ALPK2: variants seen among roughly 807,000 people sequenced by gnomAD.
The protein encoded by ALPK2 is alpha-protein kinase 2.
In ALPK2, 127 loss-of-function variants were observed where a neutral mutation model predicts 163.1. The observed-to-expected ratio is 0.78, with a 90% confidence interval of 0.67 to 0.90. The LOEUF is 0.90. ALPK2 is among the 40% of genes least tolerant of loss of function. The pLI, the probability that ALPK2 is intolerant of heterozygous loss-of-function variation, is 0.00. For missense variants in ALPK2, 2,360 were observed against 2,589.6 expected, an observed-to-expected ratio of 0.91 and a Z score of 1.92; for synonymous variants, 953 against 959.1, an observed-to-expected ratio of 0.99 and a Z score of 0.12.
At chr18:58,613,807 A>G (rs1200158353) in intron 1 of ALPK2, among the ~76,000 whole-genome samples, 1 of 151,884 alleles carries the variant, frequency 6.6e-6, no homozygotes, top group African/African-American at 2.4e-5. Flanking sequence ...ATCTTGGCCC[A>G]TGAGGCCCAC....
chr18:58,628,448 A>AT, intron 1 of ALPK2, among the ~76,000 whole-genome samples: 1 of 152,212 alleles, frequency 6.6e-6, no homozygotes, highest in African/African-American at 2.4e-5. Context: ...CATTCTGTAT[A>AT]TTTTTTCTAA....
At chr18:58,565,245 C>A (rs1238448819) in intron 4 of ALPK2, among the ~76,000 whole-genome samples, 1 of 152,216 alleles carries the variant, frequency 6.6e-6, no homozygotes, top group African/African-American at 2.4e-5. Context: ...GGCCTTCATG[C>A]AAGCTTCTCT....
chr18:58,553,850 G>GTTT (rs71173061), intron 4 of ALPK2, among the ~76,000 whole-genome samples: 14 of 73,992 alleles, frequency 1.9e-4, no homozygotes, highest in Admixed American at 2.2e-4. Context: ...TTTTTTTTTG[G>GTTT]TTTTTTTTTT....
chr18:58,593,313 C>G lies in ALPK2; in HGVS notation c.228-12765G>C, dbSNP rs527400152. 2.9e-3 allele frequency among the ~76,000 whole-genome samples: 439 copies of G among 152,292 alleles called. 2 individuals carry two copies. Among genetic ancestry groups the G allele is most frequent in the African/African-American group, 0.01 (428 of 41,564 alleles). On this transcript the variant is annotated intron_variant, in intron 3 of 12. Coordinates refer to ENST00000361673, the MANE Select transcript of ALPK2 (RefSeq NM_052947.4). The stretch of plus-strand genomic sequence containing the variant: ...GGGTGCAGGGGCTCACGCCTGTAGT[C>G]CCAGCACTTTGGGAGGCCAAGGCAG...
chr18:58,606,229 C>T (rs1007523551), intron 3 of ALPK2, among the ~76,000 whole-genome samples: 1 of 152,148 alleles, frequency 6.6e-6, no homozygotes, highest in Non-Finnish European at 1.5e-5. Flanking sequence ...CAGGCACGAG[C>T]CACCATGCCC....
At chr18:58,600,320 A>G (rs1456818515) in intron 3 of ALPK2, among the ~76,000 whole-genome samples, 1 of 152,216 alleles carries the variant, frequency 6.6e-6, no homozygotes, top group South Asian at 2.1e-4. Flanking sequence ...TACAGGCGTG[A>G]GTCACCGCAT....
rs777477577 is a variant in ALPK2 at position 58,578,959 on chromosome 18, G to T, written c.1817C>A (p.Thr606Asn). Residue 606 changes from threonine to asparagine, a missense_variant, in exon 4 of 13, where the codon ACC becomes AAC. Physicochemically the swap from Thr to Asn is moderately conservative, Grantham distance 65 (BLOSUM62 0). Coordinates refer to ENST00000361673, the MANE Select transcript of ALPK2 (RefSeq NM_052947.4). ...HADARECAIS[T>N]QAEQEAKTLQ... The stretch of plus-strand genomic sequence containing the variant: ...GGTTTTTGCTTCTTGCTCTGCCTGG[G>T]TTGAAATAGCACATTCTCTTGCATC... The T allele has an allele frequency of 3.7e-6, 6 of 1,614,202 alleles. No homozygotes were observed. In the South Asian group the frequency reaches 6.6e-5, roughly 18 times the overall value.
At position 58,482,051 on chromosome 18, in the gene ALPK2, G is replaced by A; in HGVS notation, c.6297-12C>T. 5 of 1,603,514 alleles carry A rather than the reference G, an allele frequency of 3.1e-6. No homozygotes were observed. The highest frequency in any genetic ancestry group is 1.7e-4 in the Middle Eastern group (1 of 6,042). On this transcript the variant is annotated splice_polypyrimidine_tract_variant and intron_variant, in intron 12 of 12. Transcript: ENST00000361673. ...TAAATCCCTTGTACCTGTGAGTTTG[G>A]GTGGAAGGAAACATAGCTTTTAAAA...
intron 10 of ALPK2, 53 bp downstream of exon 10, chr18:58,514,940 C>A: frequency 7.0e-7 from 1 of 1,438,630 alleles, no homozygotes; most frequent in Non-Finnish European, 9.7e-7. Context: ...TCTCGTCCCT[C>A]CTAGTCCCCA....
At chr18:58,529,896 T>G (rs2051603629) in intron 5 of ALPK2, among the ~76,000 whole-genome samples, 1 of 152,136 alleles carries the variant, frequency 6.6e-6, no homozygotes, top group Non-Finnish European at 1.5e-5. Flanking sequence ...GAGGAACAAT[T>G]AGCATGCTAA....
In ALPK2 at chr18:58,579,318, G is replaced by A. The variant is rs749194982; in HGVS notation, c.1458C>T (p.Asn486=). ...REEFASDNLL[N]MDESVRETEM... ...CTGTCTCTCTTACTGATTCATCCAT[G>A]TTGAGCAGATTGTCACTGGCAAATT... is the stretch of plus-strand genomic sequence containing the variant. The change falls in exon 4 of 13, where the codon AAC becomes AAT. Residue 486 remains asparagine, a synonymous_variant. Transcript: ENST00000361673. 1 of 1,614,034 alleles carries A rather than the reference G, an allele frequency of 6.2e-7. No homozygotes were observed. Among genetic ancestry groups the A allele is most frequent in the Admixed American group, 1.7e-5 (1 of 60,004 alleles).
Position 58,515,099 on chromosome 18 carries a change from A to T in ALPK2, c.5941-18T>A. ...TAGCATTCCTATATCGCCAAAATAC[A>T]TAGAAAGCCCCAGTGACTACAGGAA... On this transcript the variant is annotated intron_variant, in intron 9 of 12. Transcript: ENST00000361673. 6.3e-7 allele frequency: 1 copy of T among 1,590,356 alleles called. No homozygotes were observed. The highest frequency in any genetic ancestry group is 1.1e-5 in the South Asian group (1 of 89,898).
At chr18:58,568,212 G>T (rs2051866613) in intron 4 of ALPK2, among the ~76,000 whole-genome samples, 1 of 152,154 alleles carries the variant, frequency 6.6e-6, no homozygotes, top group Non-Finnish European at 1.5e-5. Flanking sequence ...GTGTTTCTGG[G>T]ATGCATATAT....
intron 1 of ALPK2, among the ~76,000 whole-genome samples, chr18:58,619,185 G>A (rs1242368942): frequency 3.3e-5 from 5 of 152,176 alleles, no homozygotes; most frequent in Admixed American, 1.3e-4. Context: ...AACACATTTC[G>A]GGTGCCTACT....
intron 4 of ALPK2, among the ~76,000 whole-genome samples, chr18:58,555,627 A>G (rs2051786543): frequency 1.3e-5 from 2 of 152,174 alleles, no homozygotes. Context: ...ACCCTTTATC[A>G]TCTGGTGGGA....
chr18:58,582,044 A>G (rs2051961461), intron 3 of ALPK2, among the ~76,000 whole-genome samples: 1 of 152,156 alleles, frequency 6.6e-6, no homozygotes, highest in South Asian at 2.1e-4. Context: ...AATTTCAATA[A>G]TGTCTTGTTG....
rs564191859 is a variant in ALPK2 at position 58,533,323 on chromosome 18, C to T, written c.5353+1511G>A. On this transcript the variant is annotated intron_variant, in intron 5 of 12. Transcript: ENST00000361673. ...CAAAAAGGTGGTTTTGCTTGTCTACCTTTACCTGCAAAGGAACCCCTATCC... is the reference window on the plus strand; with the variant it reads ...CAAAAAGGTGGTTTTGCTTGTCTACTTTTACCTGCAAAGGAACCCCTATCC... Among the ~76,000 whole-genome samples, 132 of 152,312 alleles carry T rather than the reference C, an allele frequency of 8.7e-4. 1 individual carries two copies. The highest frequency in any genetic ancestry group is 3.3e-3 in the Admixed American group (51 of 15,304).
rs533759740 is a variant in ALPK2 at position 58,625,972 on chromosome 18, G to C, written c.-21+2792C>G. Among the ~76,000 whole-genome samples, 7 of 152,372 alleles carry C rather than the reference G, an allele frequency of 4.6e-5. No individual in the cohort carries two copies. The East Asian group carries it at 9.6e-4, about 21-fold the overall frequency. On this transcript the variant is annotated intron_variant, in intron 1 of 12. Transcript: ENST00000361673. Reference sequence around the variant, plus strand: ...AAATGTTTTATTTGATGTAGGTCAGGTGTTTATTCTTTCGTTTTCGCCAAC... The same window carrying C: ...AAATGTTTTATTTGATGTAGGTCAGCTGTTTATTCTTTCGTTTTCGCCAAC...
At position 58,588,270 on chromosome 18, in the gene ALPK2, A is replaced by G. The variant is rs555394104; in HGVS notation, c.228-7722T>C. ...TGTTTTTAACTGTGGCTGTATGGAA[A>G]TGCAGAATTCTATGGCAACTAATAC... On this transcript the variant is annotated intron_variant, in intron 3 of 12. Coordinates refer to ENST00000361673, the MANE Select transcript of ALPK2 (RefSeq NM_052947.4). Among the ~76,000 whole-genome samples, 8 of 152,348 alleles carry G rather than the reference A, an allele frequency of 5.3e-5. No individual in the cohort carries two copies. In the South Asian group the frequency reaches 1.7e-3, roughly 32 times the overall value.
Sources: allele counts gnomAD v4.1 joint callset (sites outside exome capture counted in the v4.1 genomes callset), GRCh38; gene constraint gnomAD v4.1.1; transcripts MANE v1.5; gene names NCBI Gene and HGNC (gene_info 2026-07-23, HGNC 2026-07-21).